The following ASPG variants were observed in gnomAD, a reference collection of about 807,000 sequenced individuals.
The protein encoded by ASPG is 60 kDa lysophospholipase.
In ASPG, 53 loss-of-function variants were observed where a neutral mutation model predicts 63.2. That is an observed-to-expected ratio of 0.84 (90% CI 0.67 to 1.05). The LOEUF (loss-of-function observed/expected upper bound fraction) is 1.05, where lower values mean the gene tolerates loss of function less well. ASPG is among the 50% of genes least tolerant of loss of function. The probability of loss-of-function intolerance (pLI) is 0.00; values close to 1 mark genes in which losing one functional copy is unlikely to be tolerated. For missense variants in ASPG, 741 were observed against 794.4 expected (o/e 0.93, Z 0.81); for synonymous variants, 370 against 355.0 (o/e 1.04, Z -0.48).
intron 12 of ASPG, chr14:104,108,728 C>T (rs182588334): frequency 2.0e-6 from 2 of 985,348 alleles, no homozygotes; most frequent in Non-Finnish European, 2.4e-6. Flanking sequence ...GCCCTGCCCC[C>T]ACTCCTACCC....
rs769649544 is a variant in ASPG at position 104,107,259 on chromosome 14, A to G, written c.1347A>G (p.Ala449=). ...HAAARGGHTE[A]VTMLLQRGVD... Reference sequence around the variant, plus strand: ...CCGCCCGGGGAGGCCACACAGAGGCAGTCACCATGCTGCTGCAGAGAGGTG... The same window carrying G: ...CCGCCCGGGGAGGCCACACAGAGGCGGTCACCATGCTGCTGCAGAGAGGTG... Residue 449 remains alanine, a synonymous_variant, in exon 12 of 16, where the codon GCA becomes GCG. Transcript: ENST00000551177. 2 of 1,609,044 alleles carry G rather than the reference A, an allele frequency of 1.2e-6. No homozygotes were observed. The highest frequency in any genetic ancestry group is 3.4e-5 in the Admixed American group (2 of 59,606).
At chr14:104,100,017 G>A (rs1440741724) in intron 6 of ASPG, among the ~76,000 whole-genome samples, 2 of 152,338 alleles carry the variant, frequency 1.3e-5, no homozygotes, top group South Asian at 2.1e-4. Context: ...GGGCTGGTGG[G>A]TCAAGCCCAC....
Position 104,102,939 on chromosome 14 carries a change from A to G in ASPG, c.641-624A>G, listed in dbSNP as rs1019717486. 8.5e-5 allele frequency among the ~76,000 whole-genome samples: 13 copies of G among 152,252 alleles called. No homozygotes were observed. In the East Asian group the frequency reaches 1.7e-3, roughly 20 times the overall value. ...TGTGGGGAGGGGGTGATGGGCACAC[A>G]TTAGGATTTTGGGGTGAACTGGATG... On this transcript the variant is annotated intron_variant, in intron 6 of 15. Transcript: ENST00000551177.
intron 3 of ASPG, among the ~76,000 whole-genome samples, chr14:104,094,892 C>T (rs1382136204): frequency 6.6e-6 from 1 of 152,198 alleles, no homozygotes; most frequent in African/African-American, 2.4e-5. Context: ...GGGGCTTGGT[C>T]TTTTAATGGC....
Position 104,104,819 on chromosome 14 carries a change from C to T in ASPG, c.1050+84C>T, listed in dbSNP as rs561257340. The T allele has an allele frequency of 5.3e-5, 63 of 1,198,726 alleles. No individual in the cohort carries two copies. In the African/African-American group the frequency reaches 6.1e-4, roughly 12 times the overall value. The allele number at this position is 1,198,726 out of a possible 1,614,324, so 74.3% of individuals were successfully genotyped here. ...CCCAGGGGCATGTCTGGGGCGATGC[C>T]GGAAGAGCCTGGGGGCCGGTCCAGG... is the stretch of plus-strand genomic sequence containing the variant. On this transcript the variant is annotated intron_variant, in intron 9 of 15. Coordinates refer to ENST00000551177, the MANE Select transcript of ASPG (RefSeq NM_001080464.3).
intron 6 of ASPG, among the ~76,000 whole-genome samples, chr14:104,099,574 G>T (rs374223803): frequency 6.6e-6 from 1 of 152,190 alleles, no homozygotes; most frequent in African/African-American, 2.4e-5. Flanking sequence ...GTCACTCCCT[G>T]GCCTACCGTC....
intron 1 of ASPG, among the ~76,000 whole-genome samples, chr14:104,087,218 C>T (rs1198548297): frequency 2.0e-5 from 3 of 152,160 alleles, no homozygotes; most frequent in Non-Finnish European, 4.4e-5. Context: ...GGAGCCTCCT[C>T]TGCACTTCTC....
At chr14:104,087,555 G>A (rs1253027482) in intron 1 of ASPG, among the ~76,000 whole-genome samples, 9 of 152,204 alleles carry the variant, frequency 5.9e-5, no homozygotes, top group Admixed American at 5.9e-4. Flanking sequence ...AGCCCTGCAA[G>A]GTGCAGGAAA....
chr14:104,086,070 G>T (rs980717236), intron 1 of ASPG, among the ~76,000 whole-genome samples: 2 of 152,140 alleles, frequency 1.3e-5, no homozygotes, highest in Admixed American at 6.5e-5. Context: ...CGCCGTCGCG[G>T]TGCTCCCGGG....
intron 2 of ASPG, 182 bp downstream of exon 2, chr14:104,092,923 TGA>T (rs1253601464): frequency 1.7e-6 from 1 of 596,342 alleles, no homozygotes; most frequent in African/African-American, 1.8e-5. Context: ...CCTGAACCTC[TGA>T]GGGTGCCCCG....
At chr14:104,107,557 G>A (rs2037191481) in intron 12 of ASPG, among the ~76,000 whole-genome samples, 2 of 152,180 alleles carry the variant, frequency 1.3e-5, no homozygotes, top group South Asian at 2.1e-4. Flanking sequence ...GGGAGGACAC[G>A]GTGCATCTCT....
intron 12 of ASPG, chr14:104,108,913 C>T: frequency 5.1e-6 from 5 of 985,426 alleles, no homozygotes; most frequent in Non-Finnish European, 6.0e-6. Context: ...AGGAGCTATT[C>T]TGCTAGCACC....
intron 7 of ASPG, among the ~76,000 whole-genome samples, 153 bp downstream of exon 7, chr14:104,103,828 C>T (rs1249039858): frequency 6.6e-6 from 1 of 152,216 alleles, no homozygotes; most frequent in Non-Finnish European, 1.5e-5. Context: ...AGCCCCAGGC[C>T]CTGTCCCCTG....
chr14:104,098,695 C>T (rs986035182), intron 5 of ASPG, among the ~76,000 whole-genome samples, 158 bp from the exon 6 acceptor site: 3 of 152,126 alleles, frequency 2.0e-5, no homozygotes, highest in Non-Finnish European at 2.9e-5. Flanking sequence ...AGGGGCAGTA[C>T]CTGCTCCCAG....
At chr14:104,102,554 C>T (rs1159526339) in intron 6 of ASPG, among the ~76,000 whole-genome samples, 1 of 152,208 alleles carries the variant, frequency 6.6e-6, no homozygotes, top group African/African-American at 2.4e-5. Flanking sequence ...GTTTACTGCC[C>T]TGGGCAGCTC....
At chr14:104,104,890 G>A in intron 9 of ASPG, 155 bp downstream of exon 9, 1 of 663,562 alleles carries the variant, frequency 1.5e-6, no homozygotes, top group Admixed American at 3.1e-5. Flanking sequence ...CCTATAGTGG[G>A]GAAGGGCAGC....
rs1402903737 is a variant in ASPG at position 104,098,958 on chromosome 14, A to G, written c.619A>G (p.Thr207Ala). The change falls in exon 6 of 16, where the codon ACA (threonine) becomes GCA (alanine). Residue 207 changes from threonine to alanine, a missense_variant. Physicochemically the swap from Thr to Ala is moderately conservative, Grantham distance 58. Coordinates refer to ENST00000551177, the MANE Select transcript of ASPG (RefSeq NM_001080464.3). ...FCSPNLLPLATVGADITINRE... is the reference protein window; with the variant it reads ...FCSPNLLPLAAVGADITINRE... ...CTCCCCGAACCTGCTGCCTCTGGCC[A>G]CAGTGGGTGCTGACATCACAAGTAA... 6.3e-7 allele frequency: 1 copy of G among 1,598,988 alleles called. No homozygotes were observed. The highest frequency in any genetic ancestry group is 1.7e-5 in the Admixed American group (1 of 58,138).
Position 104,109,375 on chromosome 14 carries a change from G to A in ASPG, c.1520+60G>A, listed in dbSNP as rs1373571730. On this transcript the variant is annotated intron_variant, in intron 13 of 15. Coordinates refer to ENST00000551177, the MANE Select transcript of ASPG (RefSeq NM_001080464.3). The surrounding 1 kb of genome is among the most constrained non-coding windows in gnomAD (Gnocchi z 4.8). Reference sequence around the variant, plus strand: ...TGTGGGGGACACAGCTTGGGGAAGCGAAGCCAGACCTGCTGGGAGGGACAA... The same window carrying A: ...TGTGGGGGACACAGCTTGGGGAAGCAAAGCCAGACCTGCTGGGAGGGACAA... The A allele has an allele frequency of 2.0e-6, 3 of 1,518,032 alleles. No homozygotes were observed. Among genetic ancestry groups the A allele is most frequent in the Middle Eastern group, 1.7e-4 (1 of 5,834 alleles). 94.0% of individuals were successfully genotyped at this position (1,518,032 alleles called of 1,614,324 possible).
At chr14:104,092,608 G>C in intron 1 of ASPG, 25 bp from the exon 2 acceptor site, 2 of 1,526,086 alleles carry the variant, frequency 1.3e-6, no homozygotes, top group Non-Finnish European at 1.8e-6. Context: ...CCTGACCCCA[G>C]CATCCACCTG....
Sources: gnomAD v4.1 joint callset for allele counts (sites outside exome capture counted in the v4.1 genomes callset) on GRCh38, gnomAD v4.1.1 for gene constraint, Gnocchi (gnomAD v3.1) non-coding constraint, MANE v1.5 for transcripts, NCBI Gene and HGNC (gene_info 2026-07-23, HGNC 2026-07-21) for gene names.